Variants in KLRD1 observed in about 807,000 individuals in gnomAD.
KLRD1 encodes killer cell lectin like receptor D1, also known as natural killer cells antigen CD94.
Under a neutral mutation model 22.6 loss-of-function variants are expected in KLRD1, and 21 were observed. The observed-to-expected ratio is 0.93, with a 90% CI of 0.66 to 1.34. The LOEUF is 1.34. Among genes scored for constraint, KLRD1 ranks in the 40% most tolerant of loss-of-function variants. The pLI is 0.00. For missense variants in KLRD1, 183 were observed against 208.6 expected (o/e 0.88, Z 0.76); for synonymous variants, 59 against 71.1 (o/e 0.83, Z 0.85).
At chr12:10,261,633 A>T (rs1949455222) in intron 1 of KLRD1, among the ~76,000 whole-genome samples, 1 of 152,188 alleles carries the variant, frequency 6.6e-6, no homozygotes, top group Non-Finnish European at 1.5e-5. Flanking sequence ...TTGATTCATT[A>T]TGATTTTTTG....
intron 4 of KLRD1, among the ~76,000 whole-genome samples, chr12:10,312,053 T>TTTC (rs1950086470): frequency 3.8e-5 from 1 of 26,314 alleles, no homozygotes; most frequent in African/African-American, 9.2e-5. Context: ...TTTCTTTTCT[T>TTTC]TTTTTTTTTT....
intron 4 of KLRD1, 65 bp downstream of exon 4, chr12:10,311,680 TA>T (rs1950075306): frequency 6.6e-7 from 1 of 1,514,570 alleles, no homozygotes; most frequent in Admixed American, 1.8e-5. Flanking sequence ...CTAAACAAGT[TA>T]AATACTTTGG....
intron 1 of KLRD1, among the ~76,000 whole-genome samples, chr12:10,297,478 G>A (rs2137673561): frequency 6.6e-6 from 1 of 151,622 alleles, no homozygotes; most frequent in South Asian, 2.1e-4. Context: ...TTAAATTTCT[G>A]TCTTTACCTA....
At position 10,317,378 on chromosome 12, in the gene KLRD1, A is replaced by G. The variant is rs573496305; in HGVS notation, c.*2585A>G. ...GGAGCAGGGAAAAGCAGAAAGAGAA[A>G]GCAGATAAGCTATGAGTCTGCCTTT... is the stretch of plus-strand genomic sequence containing the variant. On this transcript the variant is annotated 3_prime_UTR_variant, in exon 6 of 6. Coordinates refer to ENST00000336164, the MANE Select transcript of KLRD1 (RefSeq NM_002262.5). 5 of 152,346 alleles carry G rather than the reference A, an allele frequency of 3.3e-5. No individual in the cohort carries two copies. Among genetic ancestry groups the G allele is most frequent in the African/African-American group, 1.2e-4 (5 of 41,570 alleles). The allele number at this position is 152,346 out of a possible 1,614,324, so 9.4% of individuals were successfully genotyped here.
Position 10,327,956 on chromosome 12 carries a change from TATTACATTAA to T in KLRD1, c.*13164_*13173del, listed in dbSNP as rs1950375841. ...TATCCTTCATTCTATTAATGTGGTA[TATTACATTAA>T]TTGATTTTGTATGTTAGGCTATCCT... On this transcript the variant is annotated 3_prime_UTR_variant, in exon 6 of 6. Transcript: ENST00000336164. 6.6e-6 allele frequency: 1 copy of T among 152,190 alleles called. No homozygotes were observed. The highest frequency in any genetic ancestry group is 6.5e-5 in the Admixed American group (1 of 15,278). The allele number at this position is 152,190 out of a possible 1,614,324, so 9.4% of individuals were successfully genotyped here. A position where few individuals can be genotyped will look rare whatever the true frequency, so the allele number is the denominator to read the frequency against.
intron 1 of KLRD1, among the ~76,000 whole-genome samples, chr12:10,276,402 C>G (rs1949592485): frequency 6.6e-6 from 1 of 152,152 alleles, no homozygotes; most frequent in Non-Finnish European, 1.5e-5. Flanking sequence ...CTGTTTATCA[C>G]AGCCTTTTAG....
Position 10,320,996 on chromosome 12 carries a change from GA to G in KLRD1, c.*6204del, listed in dbSNP as rs1474298244. 1.3e-5 allele frequency: 2 copies of G among 152,120 alleles called. No individual in the cohort carries two copies. The highest frequency in any genetic ancestry group is 2.9e-5 in the Non-Finnish European group (2 of 68,016). 9.4% of individuals were successfully genotyped at this position (152,120 alleles called of 1,614,324 possible). On this transcript the variant is annotated 3_prime_UTR_variant, in exon 6 of 6. Transcript: ENST00000336164. ...GAGATGACTATGTCAGTAGAAAATTGACAATGAATTGCTACCTTTTATTCAA... is the reference window on the plus strand; with the variant it reads ...GAGATGACTATGTCAGTAGAAAATTGCAATGAATTGCTACCTTTTATTCAA...
At chr12:10,246,928 CTTTTCTTTTTT>C (rs1949297516) in intron 1 of KLRD1, among the ~76,000 whole-genome samples, 1 of 129,686 alleles carries the variant, frequency 7.7e-6, no homozygotes, top group African/African-American at 2.9e-5. Flanking sequence ...CTTTTCTTTT[CTTTTCTTTTTT>C]TTTTTTTTTT....
intron 3 of KLRD1, among the ~76,000 whole-genome samples, chr12:10,310,445 T>C (rs1367335428): frequency 6.6e-6 from 1 of 152,198 alleles, no homozygotes; most frequent in Non-Finnish European, 1.5e-5. Flanking sequence ...TAAATATGTA[T>C]TTTTCGGAAT....
chr12:10,292,212 C>A (rs1949776797), intron 1 of KLRD1, among the ~76,000 whole-genome samples: 1 of 152,298 alleles, frequency 6.6e-6, no homozygotes, highest in South Asian at 2.1e-4. Flanking sequence ...GGATTGGAAT[C>A]AACTTCTTCT....
intron 1 of KLRD1, among the ~76,000 whole-genome samples, chr12:10,257,967 G>T (rs1365974534): frequency 6.6e-6 from 1 of 152,040 alleles, no homozygotes; most frequent in Non-Finnish European, 1.5e-5. Flanking sequence ...ATTTTCCTGG[G>T]TCTTTGTGTG....
intron 1 of KLRD1, among the ~76,000 whole-genome samples, chr12:10,264,352 T>C (rs1949480477): frequency 6.6e-6 from 1 of 152,156 alleles, no homozygotes; most frequent in South Asian, 2.1e-4. Flanking sequence ...TTTATCAGGA[T>C]ATTTTACCAA....
chr12:10,264,459 TC>T (rs1349892334), intron 1 of KLRD1, among the ~76,000 whole-genome samples: 2 of 151,910 alleles, frequency 1.3e-5, no homozygotes, highest in African/African-American at 4.8e-5. Flanking sequence ...AAGTAGTATG[TC>T]CAGTTGCTAC....
Position 10,323,552 on chromosome 12 carries a change from G to T in KLRD1, c.*8759G>T, listed in dbSNP as rs960502146. On this transcript the variant is annotated 3_prime_UTR_variant, in exon 6 of 6. Coordinates refer to ENST00000336164, the MANE Select transcript of KLRD1 (RefSeq NM_002262.5). Reference sequence around the variant, plus strand: ...GAGATACTTTAAGCATACTTTATATGCTTAAAGTATGACATTTGATGTATT... The same window carrying T: ...GAGATACTTTAAGCATACTTTATATTCTTAAAGTATGACATTTGATGTATT... 1 of 151,232 alleles carries T rather than the reference G, an allele frequency of 6.6e-6. No homozygotes were observed. The highest frequency in any genetic ancestry group is 2.4e-5 in the African/African-American group (1 of 41,122). 9.4% of individuals were successfully genotyped at this position (151,232 alleles called of 1,614,324 possible). A position where few individuals can be genotyped will look rare whatever the true frequency, so the allele number is the denominator to read the frequency against.
intron 1 of KLRD1, among the ~76,000 whole-genome samples, chr12:10,275,511 C>G (rs1262619201): frequency 6.6e-6 from 1 of 152,178 alleles, no homozygotes; most frequent in Non-Finnish European, 1.5e-5. Flanking sequence ...TCCAGAGATA[C>G]TATTTCAGGA....
intron 1 of KLRD1, among the ~76,000 whole-genome samples, chr12:10,261,194 A>G (rs1403920326): frequency 6.6e-6 from 1 of 152,216 alleles, no homozygotes; most frequent in Non-Finnish European, 1.5e-5. Context: ...AGTCTGGCTC[A>G]GTAGGGAAGG....
At chr12:10,265,060 T>C (rs550886994) in intron 1 of KLRD1, among the ~76,000 whole-genome samples, 1 of 152,266 alleles carries the variant, frequency 6.6e-6, no homozygotes, top group South Asian at 2.1e-4. Flanking sequence ...ACCCTCTCTC[T>C]ATATATGTAC....
At chr12:10,312,051 CT>C (rs71049085) in intron 4 of KLRD1, among the ~76,000 whole-genome samples, 3,529 of 123,120 alleles carry the variant, frequency 0.029, 86 homozygotes, top group African/African-American at 0.077. Context: ...CTTTTCTTTT[CT>C]TTTTTTTTTT....
rs1321351423 is a variant in KLRD1, at chr12:10,327,853, G to A, written c.*13060G>A. ...ATTTTTCTCAAATTCTAGGTTGGCA[G>A]GAGTTATCATCATAAAATGGGTATT... On this transcript the variant is annotated 3_prime_UTR_variant, in exon 6 of 6. Transcript: ENST00000336164. The A allele has an allele frequency of 1.3e-5, 2 of 152,152 alleles. No homozygotes were observed. The highest frequency in any genetic ancestry group is 3.8e-4 in the East Asian group (2 of 5,198). 9.4% of individuals were successfully genotyped at this position (152,152 alleles called of 1,614,324 possible). A position where few individuals can be genotyped will look rare whatever the true frequency, so the allele number is the denominator to read the frequency against.
Sources: allele counts gnomAD v4.1 joint callset (sites outside exome capture counted in the v4.1 genomes callset), GRCh38; gene constraint gnomAD v4.1.1; transcripts MANE v1.5; gene names NCBI Gene and HGNC (gene_info 2026-07-23, HGNC 2026-07-21).